Variants in CFAP299 observed in about 807,000 individuals in gnomAD.
The protein encoded by CFAP299 is cilia- and flagella-associated protein 299.
CFAP299 carries 21 observed loss-of-function variants against 27.0 expected under a neutral mutation model. The ratio of observed to expected loss-of-function variants is 0.78; its 90% CI spans 0.55 to 1.12. The LOEUF is 1.12. Among genes scored for constraint, CFAP299 ranks in the 50% most tolerant of loss-of-function variants. CFAP299 has a pLI of 0.00. For missense variants in CFAP299, 310 were observed against 276.6 expected, an observed-to-expected ratio of 1.12 and a Z score of -0.86; for synonymous variants, 104 against 98.1, an observed-to-expected ratio of 1.06 and a Z score of -0.36.
In CFAP299 at chr4:80,432,447, G is replaced by A. The variant is rs151020625; in HGVS notation, c.242+69563G>A. On this transcript the variant is annotated intron_variant, in intron 2 of 5. Transcript: ENST00000358105. ...ATTACAGGCGTGAGCAACCATGCCCGGCCCTTTCATTTGTTTTATTTATGC... is the reference window on the plus strand; with the variant it reads ...ATTACAGGCGTGAGCAACCATGCCCAGCCCTTTCATTTGTTTTATTTATGC... Among the ~76,000 whole-genome samples the A allele has an allele frequency of 6.8e-3, 1,036 of 151,862 alleles. 3 individuals carry two copies. The highest frequency in any genetic ancestry group is 0.024 in the Middle Eastern group (7 of 294).
upstream of CFAP299, among the ~76,000 whole-genome samples, chr4:80,330,868 T>G (rs1220262008): frequency 6.6e-6 from 1 of 152,188 alleles, no homozygotes; most frequent in Non-Finnish European, 1.5e-5. Flanking sequence ...CAGCAAATAC[T>G]TTTGAGGGAT....
At chr4:80,328,025 A>T in the CFAP299 span, among the ~76,000 whole-genome samples, 1 of 152,044 alleles carries the variant, frequency 6.6e-6, no homozygotes, top group Non-Finnish European at 1.5e-5. Context: ...GTACATTACA[A>T]GTAGAGCCAC....
chr4:80,725,136 T>TTTTTTTTTG (rs1723084935), intron 3 of CFAP299, among the ~76,000 whole-genome samples: 1 of 129,004 alleles, frequency 7.8e-6, no homozygotes, highest in East Asian at 2.0e-4. Context: ...TTTTTTTTTT[T>TTTTTTTTTG]GTAGAGATGG....
At chr4:80,800,492 A>ATATAT (rs1728438978) in intron 3 of CFAP299, among the ~76,000 whole-genome samples, 11 of 2,374 alleles carry the variant, frequency 4.6e-3, no homozygotes, top group African/African-American at 7.2e-3. Flanking sequence ...ATAATATATA[A>ATATAT]TATATAATAT....
chr4:80,658,281 G>C (rs903804253), intron 3 of CFAP299, among the ~76,000 whole-genome samples: 3 of 152,122 alleles, frequency 2.0e-5, no homozygotes, highest in Non-Finnish European at 4.4e-5. Flanking sequence ...GAATAGGGGT[G>C]GTGAGAGAGG....
At chr4:80,542,546 A>G (rs1216272960) in intron 2 of CFAP299, among the ~76,000 whole-genome samples, 1 of 152,102 alleles carries the variant, frequency 6.6e-6, no homozygotes, top group Non-Finnish European at 1.5e-5. Flanking sequence ...ACTCCTGTGG[A>G]AGAGGTGGCT....
intron 3 of CFAP299, among the ~76,000 whole-genome samples, chr4:80,608,861 ATGTGTGTGTGTGTG>A (rs33963629): frequency 1.4e-5 from 2 of 146,806 alleles, no homozygotes; most frequent in Non-Finnish European, 3.0e-5. Flanking sequence ...TACACGATGC[ATGTGTGTGTGTGTG>A]TGTGTGTGTG....
At chr4:80,839,859 T>A (rs1282566089) in intron 3 of CFAP299, among the ~76,000 whole-genome samples, 1 of 152,054 alleles carries the variant, frequency 6.6e-6, no homozygotes, top group Non-Finnish European at 1.5e-5. Flanking sequence ...TCTGAGACCT[T>A]CAAGTCCCTA....
chr4:80,799,386 A>C (rs1420689361), intron 3 of CFAP299, among the ~76,000 whole-genome samples: 1 of 94,766 alleles, frequency 1.1e-5, no homozygotes, highest in Non-Finnish European at 1.8e-5. Flanking sequence ...AAATGTATTT[A>C]TATAATATTT....
At chr4:80,617,688 A>G (rs1418956431) in intron 3 of CFAP299, among the ~76,000 whole-genome samples, 1 of 152,200 alleles carries the variant, frequency 6.6e-6, no homozygotes, top group African/African-American at 2.4e-5. Flanking sequence ...AAAAGTGCCC[A>G]TCATAATGAT....
chr4:80,572,440 C>T (rs10025041), intron 2 of CFAP299, among the ~76,000 whole-genome samples: 106 of 146,756 alleles, frequency 7.2e-4, no homozygotes, highest in African/African-American at 2.6e-3. Flanking sequence ...CTTTCTGTGC[C>T]TGGCTTATTT....
chr4:80,633,214 C>T (rs914205407), intron 3 of CFAP299, among the ~76,000 whole-genome samples: 1 of 152,070 alleles, frequency 6.6e-6, no homozygotes, highest in East Asian at 1.9e-4. Context: ...TTTGGGAGGC[C>T]GAGGCGGGCG....
intron 2 of CFAP299, among the ~76,000 whole-genome samples, chr4:80,405,612 A>G (rs1214348709): frequency 1.3e-5 from 2 of 152,044 alleles, no homozygotes; most frequent in African/African-American, 4.8e-5. Flanking sequence ...CACATTTAGA[A>G]TGGGGTACTT....
Position 80,900,603 on chromosome 4 carries a change from A to G in CFAP299, c.476+30468A>G, listed in dbSNP as rs73829186. Among the ~76,000 whole-genome samples, 679 of 152,238 alleles carry G rather than the reference A, an allele frequency of 4.5e-3. 5 individuals are homozygous for G. The highest frequency in any genetic ancestry group is 0.015 in the African/African-American group (630 of 41,554). On this transcript the variant is annotated intron_variant, in intron 4 of 5. Transcript: ENST00000358105. ...AATATGTTCAATAAGAAAATTAAGA[A>G]GGGGTTGCTTCTTTCAAATAAAAGA...
At chr4:80,695,659 C>A (rs74469793) in intron 3 of CFAP299, among the ~76,000 whole-genome samples, 1 of 146,010 alleles carries the variant, frequency 6.8e-6, no homozygotes, top group Non-Finnish European at 1.5e-5. Flanking sequence ...ATCTTATGAT[C>A]TTATCCTTAT....
intron 3 of CFAP299, among the ~76,000 whole-genome samples, chr4:80,615,050 A>G (rs1738201515): frequency 6.6e-6 from 1 of 152,210 alleles, no homozygotes; most frequent in Admixed American, 6.5e-5. Flanking sequence ...ACATGTCTTA[A>G]AACTTCATTC....
intron 2 of CFAP299, among the ~76,000 whole-genome samples, chr4:80,572,233 CTG>C (rs1735616966): frequency 6.6e-6 from 1 of 151,982 alleles, no homozygotes; most frequent in African/African-American, 2.4e-5. Flanking sequence ...GTACTGTTGA[CTG>C]TAGTCACCCT....
At chr4:80,556,142 A>G (rs1734767962) in intron 2 of CFAP299, among the ~76,000 whole-genome samples, 1 of 152,064 alleles carries the variant, frequency 6.6e-6, no homozygotes, top group South Asian at 2.1e-4. Context: ...AGCAATCTTT[A>G]TGAACACATA....
intron 2 of CFAP299, among the ~76,000 whole-genome samples, chr4:80,473,248 G>A (rs971276930): frequency 1.3e-5 from 2 of 152,046 alleles, no homozygotes; most frequent in Non-Finnish European, 2.9e-5. Context: ...GATGAGTAGC[G>A]ATCAGCCAGG....
Sources: gnomAD v4.1 joint callset for allele counts (sites outside exome capture counted in the v4.1 genomes callset) on GRCh38, gnomAD v4.1.1 for gene constraint, MANE v1.5 for transcripts, NCBI Gene and HGNC (gene_info 2026-07-23, HGNC 2026-07-21) for gene names.